MLLT3: variants seen among roughly 807,000 people sequenced by gnomAD.
The protein encoded by MLLT3 is protein AF-9.
A neutral mutation model predicts 53.2 loss-of-function variants in MLLT3; 4 were observed. The ratio of observed to expected loss-of-function variants is 0.08; its 90% CI spans 0.04 to 0.17. The LOEUF is 0.17. MLLT3 is among the 10% of genes least tolerant of loss of function. The pLI, the probability that MLLT3 is intolerant of heterozygous loss-of-function variation, is 1.00. For missense variants in MLLT3, 569 were observed against 684.0 expected (o/e 0.83, Z 1.87); for synonymous variants, 283 against 230.6 (o/e 1.23, Z -2.06).
intron 2 of MLLT3, among the ~76,000 whole-genome samples, chr9:20,562,426 TAAAGG>T (rs964617751): frequency 1.3e-5 from 2 of 152,064 alleles, no homozygotes; most frequent in Non-Finnish European, 2.9e-5. Flanking sequence ...AAGTAACATG[TAAAGG>T]AATTTAAAAT....
intron 2 of MLLT3, among the ~76,000 whole-genome samples, chr9:20,591,187 T>C (rs1419313657): frequency 1.3e-5 from 2 of 152,206 alleles, no homozygotes; most frequent in Non-Finnish European, 2.9e-5. Flanking sequence ...TTCTCTCCAA[T>C]TTATTTAGTA....
chr9:20,621,880 G>GTTAT lies in MLLT3; in HGVS notation c.12+361_12+364dup, dbSNP rs1221504930. ...GCGGCGGCGGCTGAAATATGGCTGA[G>GTTAT]TTATTATTCGCCTCCTTCCACCGTG... On this transcript the variant is annotated intron_variant, in intron 1 of 10. Coordinates refer to ENST00000380338, the MANE Select transcript of MLLT3 (RefSeq NM_004529.4). This position sits in a 1 kb window ranked among gnomAD's most constrained non-coding sequence, Gnocchi z 7.0. The GTTAT allele has an allele frequency of 5.8e-6, 8 of 1,369,646 alleles. No individual in the cohort carries two copies. Among genetic ancestry groups the GTTAT allele is most frequent in the Non-Finnish European group, 7.5e-6 (8 of 1,069,754 alleles). 84.8% of individuals were successfully genotyped at this position (1,369,646 alleles called of 1,614,324 possible).
intron 4 of MLLT3, among the ~76,000 whole-genome samples, chr9:20,422,585 A>G (rs543523569): frequency 6.6e-6 from 1 of 152,208 alleles, no homozygotes; most frequent in Non-Finnish European, 1.5e-5. Context: ...AACATGAAAG[A>G]GCAAAAGATG....
intron 10 of MLLT3, among the ~76,000 whole-genome samples, chr9:20,348,322 G>C (rs1820928976): frequency 6.6e-6 from 1 of 152,128 alleles, no homozygotes; most frequent in Non-Finnish European, 1.5e-5. Flanking sequence ...GTCAGATGCT[G>C]CTATTTACAA....
At chr9:20,564,305 T>C (rs563473443) in intron 2 of MLLT3, among the ~76,000 whole-genome samples, 6 of 152,120 alleles carry the variant, frequency 3.9e-5, no homozygotes, top group Admixed American at 3.9e-4. Flanking sequence ...TTCATGCACT[T>C]GAAATTCTTC....
chr9:20,487,027 GATAACAAAATGCAATT>G (rs1437695212), intron 2 of MLLT3, among the ~76,000 whole-genome samples: 5 of 152,016 alleles, frequency 3.3e-5, no homozygotes, highest in Non-Finnish European at 7.4e-5. Flanking sequence ...TGTGTGTTAA[GATAACAAAATGCAATT>G]ATTAATCAGA....
At chr9:20,592,834 T>C (rs1820162753) in intron 2 of MLLT3, among the ~76,000 whole-genome samples, 1 of 152,152 alleles carries the variant, frequency 6.6e-6, no homozygotes, top group African/African-American at 2.4e-5. Flanking sequence ...CATTCCAAGA[T>C]CAAGAATCAG....
At position 20,415,535 on chromosome 9, in the gene MLLT3, T is replaced by G. The variant is rs998403559; in HGVS notation, c.421-1110A>C. 7 of 588,224 alleles carry G rather than the reference T, an allele frequency of 1.2e-5. No individual in the cohort carries two copies. The Admixed American group carries it at 3.8e-4, about 32-fold the overall frequency. 36.4% of individuals were successfully genotyped at this position (588,224 alleles called of 1,614,324 possible). A position where few individuals can be genotyped will look rare whatever the true frequency, so the allele number is the denominator to read the frequency against. On this transcript the variant is annotated intron_variant, in intron 4 of 10. Coordinates refer to ENST00000380338, the MANE Select transcript of MLLT3 (RefSeq NM_004529.4). ...CAATACTAAAAGAAGAGCTCTTTCT[T>G]GCTTACTTCCACTTCCTAATGGAAC... is the stretch of plus-strand genomic sequence containing the variant.
intron 5 of MLLT3, among the ~76,000 whole-genome samples, chr9:20,405,183 C>T (rs1458413164): frequency 1.3e-5 from 2 of 152,118 alleles, no homozygotes; most frequent in Non-Finnish European, 2.9e-5. Flanking sequence ...CTTTTCAGTA[C>T]TTTCTGCAAT....
intron 2 of MLLT3, among the ~76,000 whole-genome samples, chr9:20,539,022 A>T (rs369444367): frequency 7.5e-4 from 114 of 152,382 alleles, no homozygotes; most frequent in African/African-American, 2.6e-3. Context: ...GCAAATCATA[A>T]TCTTTTCACT....
intron 2 of MLLT3, among the ~76,000 whole-genome samples, chr9:20,534,208 G>A (rs1366596829): frequency 6.6e-6 from 1 of 152,204 alleles, no homozygotes; most frequent in African/African-American, 2.4e-5. Context: ...AATTTTGTAA[G>A]TCATGTCTTC....
intron 10 of MLLT3, among the ~76,000 whole-genome samples, chr9:20,352,411 G>A (rs933905722): frequency 2.6e-5 from 4 of 152,152 alleles, no homozygotes; most frequent in African/African-American, 4.8e-5. Flanking sequence ...GTAAAACAAC[G>A]TTCGGTTCTT....
chr9:20,534,076 T>C (rs1022039413), intron 2 of MLLT3, among the ~76,000 whole-genome samples: 2 of 152,130 alleles, frequency 1.3e-5, no homozygotes, highest in Non-Finnish European at 2.9e-5. Flanking sequence ...AATTTGTCAA[T>C]TAAATATTTT....
At position 20,509,225 on chromosome 9, in the gene MLLT3, T is replaced by TTTGGTA. The variant is rs200621384; in HGVS notation, c.194-52440_194-52439insTACCAA. Among the ~76,000 whole-genome samples, 102 of 152,314 alleles carry TTTGGTA rather than the reference T, an allele frequency of 6.7e-4. 2 individuals carry two copies. The East Asian group carries it at 0.015, about 23-fold the overall frequency. ...TACCCAGAACATCTGGTAGCACAAA[T>TTTGGTA]CACTGAAGTCTACCAAAGATGGCAA... is the stretch of plus-strand genomic sequence containing the variant. On this transcript the variant is annotated intron_variant, in intron 2 of 10. Coordinates refer to ENST00000380338, the MANE Select transcript of MLLT3 (RefSeq NM_004529.4).
At chr9:20,441,379 T>G (rs1251667710) in intron 4 of MLLT3, among the ~76,000 whole-genome samples, 4 of 152,160 alleles carry the variant, frequency 2.6e-5, no homozygotes, top group Non-Finnish European at 5.9e-5. Context: ...GACCATGCTT[T>G]CCCTGAAATA....
intron 2 of MLLT3, among the ~76,000 whole-genome samples, chr9:20,540,976 G>C (rs2119011242): frequency 6.6e-6 from 1 of 152,286 alleles, no homozygotes; most frequent in East Asian, 1.9e-4. Context: ...GTCAAATCTT[G>C]AATGCTCTTT....
chr9:20,573,188 GTTTTTT>G (rs59285839), intron 2 of MLLT3, among the ~76,000 whole-genome samples: 1 of 141,710 alleles, frequency 7.1e-6, no homozygotes, highest in African/African-American at 2.7e-5. Flanking sequence ...TTTTTGTTTT[GTTTTTT>G]TTTTTTGAGA....
chr9:20,489,119 TA>T (rs1271992689), intron 2 of MLLT3, among the ~76,000 whole-genome samples: 53 of 152,186 alleles, frequency 3.5e-4, no homozygotes, highest in South Asian at 2.1e-4. Flanking sequence ...CCACAAAGTA[TA>T]TTAAACAAAT....
At chr9:20,513,705 G>A (rs1817824186) in intron 2 of MLLT3, among the ~76,000 whole-genome samples, 1 of 152,168 alleles carries the variant, frequency 6.6e-6, no homozygotes, top group Non-Finnish European at 1.5e-5. Flanking sequence ...TGAGGGAGGT[G>A]GTTGTACACG....
Sources: gnomAD v4.1 joint callset for allele counts (sites outside exome capture counted in the v4.1 genomes callset) on GRCh38, gnomAD v4.1.1 for gene constraint, Gnocchi (gnomAD v3.1) non-coding constraint, MANE v1.5 for transcripts, NCBI Gene and HGNC (gene_info 2026-07-23, HGNC 2026-07-21) for gene names.